Variants in PAFAH2 observed in about 807,000 individuals in gnomAD.
PAFAH2 encodes the protein platelet-activating factor acetylhydrolase 2, cytoplasmic.
A neutral mutation model predicts 49.0 loss-of-function variants in PAFAH2; 42 were observed. That is an observed-to-expected ratio of 0.86 (90% CI 0.67 to 1.11). The LOEUF is 1.11. Ranked by LOEUF, PAFAH2 falls within the 50% of genes least tolerant of loss-of-function variation. The pLI, the probability that PAFAH2 is intolerant of heterozygous loss-of-function variation, is 0.00. For missense variants in PAFAH2, 503 were observed against 501.8 expected (o/e 1.00, Z -0.02); for synonymous variants, 184 against 181.3 (o/e 1.01, Z -0.12).
rs748204156 is a variant in PAFAH2 at position 25,988,327 on chromosome 1, C to A, written c.245G>T (p.Gly82Val). The A allele has an allele frequency of 6.8e-6, 11 of 1,609,346 alleles. No individual in the cohort carries two copies. The highest frequency in any genetic ancestry group is 6.7e-5 in the Admixed American group (4 of 59,550). The part of the protein sequence containing the change: ...CGGLLFNLAV[G>V]SCRLPVSWNG... ...CCAGCTAACAGGCAGGCGACAAGAT[C>A]CTAGCAGAGACATGGGCTATAGAAT... The change falls in exon 4 of 11, where the codon GGA (glycine) becomes GTA (valine). Residue 82 changes from glycine (G) to valine (V), a missense_variant and splice_region_variant. Physicochemically the swap from Gly to Val is moderately radical, Grantham distance 109 (BLOSUM62 -3). Transcript: ENST00000374282.
intron 10 of PAFAH2, among the ~76,000 whole-genome samples, chr1:25,971,360 C>T (rs2049506502): frequency 6.6e-6 from 1 of 151,844 alleles, no homozygotes; most frequent in Non-Finnish European, 1.5e-5. Context: ...GAAATCTGTT[C>T]AAAGAAATCC....
At chr1:25,970,453 G>C (rs964641912) in intron 10 of PAFAH2, among the ~76,000 whole-genome samples, 1 of 152,214 alleles carries the variant, frequency 6.6e-6, no homozygotes, top group Non-Finnish European at 1.5e-5. Context: ...ACTCCAGCCT[G>C]AGAGACAGAG....
At chr1:25,988,348 A>G (rs146003818) in intron 3 of PAFAH2, 21 bp from the exon 4 acceptor site, 23 of 1,582,882 alleles carry the variant, frequency 1.5e-5, no homozygotes, top group African/African-American at 1.3e-4. Context: ...CATGGGCTAT[A>G]GAATATCTGG....
At chr1:25,965,397 A>T (rs895677602) in intron 10 of PAFAH2, among the ~76,000 whole-genome samples, 2 of 152,240 alleles carry the variant, frequency 1.3e-5, no homozygotes, top group African/African-American at 4.8e-5. Flanking sequence ...CAGACAAATG[A>T]GACTGAATTA....
In PAFAH2 at chr1:25,961,767, G is replaced by C. The variant is rs2049341174; in HGVS notation, c.*222C>G. On this transcript the variant is annotated 3_prime_UTR_variant, in exon 11 of 11. Coordinates refer to ENST00000374282, the MANE Select transcript of PAFAH2 (RefSeq NM_000437.4). ...TGTTCCCCACTCCATCAAGGTCCCA[G>C]AAAGTCTGTTTGTCAATCAGCAAGG... 1 of 460,484 alleles carries C rather than the reference G, an allele frequency of 2.2e-6. No individual in the cohort carries two copies. Among genetic ancestry groups the C allele is most frequent in the Non-Finnish European group, 3.9e-6 (1 of 258,100 alleles). 28.5% of individuals were successfully genotyped at this position (460,484 alleles called of 1,614,324 possible).
chr1:25,984,232 T>A, intron 5 of PAFAH2, 145 bp from the exon 6 acceptor site: 1 of 959,144 alleles, frequency 1.0e-6, no homozygotes, highest in Non-Finnish European at 1.6e-6. Context: ...CATAGGGAAG[T>A]GGAAAAAATA....
intron 10 of PAFAH2, among the ~76,000 whole-genome samples, chr1:25,970,013 A>G (rs1259498513): frequency 6.6e-6 from 1 of 152,216 alleles, no homozygotes; most frequent in Non-Finnish European, 1.5e-5. Flanking sequence ...GTAAGATGAA[A>G]CGAACAGGCA....
In PAFAH2 at chr1:25,960,721, C is replaced by T. The variant is rs182479883; in HGVS notation, c.*1268G>A. 2.0e-5 allele frequency: 3 copies of T among 152,252 alleles called. No individual in the cohort carries two copies. Among genetic ancestry groups the T allele is most frequent in the Admixed American group, 2.0e-4 (3 of 15,264 alleles). The allele number at this position is 152,252 out of a possible 1,614,324, so 9.4% of individuals were successfully genotyped here. ...AGTTGGAGGTTTATAATATTTGAGG[C>T]AAGAAAAAATGACCAAGGTACTCCT... On this transcript the variant is annotated 3_prime_UTR_variant, in exon 11 of 11. Transcript: ENST00000374282.
At chr1:25,963,792 T>G (rs1456774920) in intron 10 of PAFAH2, among the ~76,000 whole-genome samples, 2 of 152,208 alleles carry the variant, frequency 1.3e-5, no homozygotes, top group Admixed American at 6.5e-5. Flanking sequence ...TGAGCCACGG[T>G]GCCTGGCCAG....
chr1:25,993,070 C>A (rs1031662834), intron 1 of PAFAH2, among the ~76,000 whole-genome samples: 6 of 152,104 alleles, frequency 3.9e-5, no homozygotes, highest in African/African-American at 9.7e-5. Flanking sequence ...AATAGAGGCC[C>A]ATTTGTGAAG....
At chr1:25,994,544 A>G (rs1413193618) in intron 1 of PAFAH2, among the ~76,000 whole-genome samples, 1 of 152,202 alleles carries the variant, frequency 6.6e-6, no homozygotes, top group Non-Finnish European at 1.5e-5. Context: ...ATAAAATGAA[A>G]TAATGCATTC....
intron 4 of PAFAH2, among the ~76,000 whole-genome samples, chr1:25,985,701 G>A (rs2049772094): frequency 6.6e-6 from 1 of 152,234 alleles, no homozygotes; most frequent in African/African-American, 2.4e-5. Context: ...CCGGCACACA[G>A]CAGGTACTCA....
intron 1 of PAFAH2, among the ~76,000 whole-genome samples, chr1:25,991,738 C>T (rs1569580904): frequency 1.3e-5 from 2 of 151,574 alleles, no homozygotes; most frequent in African/African-American, 4.8e-5. Context: ...ACTAAAAATA[C>T]AAAAATTAGC....
Position 25,984,043 on chromosome 1 carries a change from T to C in PAFAH2, c.455A>G (p.Glu152Gly). 7 of 1,614,142 alleles carry C rather than the reference T, an allele frequency of 4.3e-6. No homozygotes were observed. Among genetic ancestry groups the C allele is most frequent in the Non-Finnish European group, 5.9e-6 (7 of 1,180,014 alleles). The change falls in exon 6 of 11, where the codon GAA becomes GGA. Residue 152 changes from glutamate (E) to glycine (G), a missense_variant. By Grantham distance (98) the Glu-to-Gly change is moderately conservative. Coordinates refer to ENST00000374282, the MANE Select transcript of PAFAH2 (RefSeq NM_000437.4). ...ATTYFCKQAP[E>G]ENQPTNESLQ... Reference sequence around the variant, plus strand: ...CGATTCATTGGTGGGCTGGTTCTCTTCTGGGGCCTGCTTGCAGAAATAGGT... The same window carrying C: ...CGATTCATTGGTGGGCTGGTTCTCTCCTGGGGCCTGCTTGCAGAAATAGGT...
intron 8 of PAFAH2, among the ~76,000 whole-genome samples, chr1:25,975,019 T>C (rs1162520872): frequency 6.6e-6 from 1 of 152,196 alleles, no homozygotes; most frequent in East Asian, 1.9e-4. Context: ...TGAGTGTTCC[T>C]GCTTTCAAGG....
intron 1 of PAFAH2, among the ~76,000 whole-genome samples, chr1:25,992,672 C>T (rs765967089): frequency 2.6e-5 from 4 of 152,136 alleles, no homozygotes; most frequent in African/African-American, 4.8e-5. Context: ...TAACATATGG[C>T]GAGCAGAGCC....
At chr1:25,976,885 A>G in intron 7 of PAFAH2, 112 bp from the exon 8 acceptor site, 2 of 715,250 alleles carry the variant, frequency 2.8e-6, no homozygotes, top group South Asian at 1.7e-5. Context: ...GGCACAATAC[A>G]GCAAGTGAGT....
intron 1 of PAFAH2, among the ~76,000 whole-genome samples, chr1:25,996,067 T>A (rs1297107491): frequency 6.6e-6 from 1 of 152,114 alleles, no homozygotes; most frequent in Non-Finnish European, 1.5e-5. Flanking sequence ...ACAGAAATAA[T>A]AACTATGGCC....
rs767349882 is a variant in PAFAH2, at chr1:25,974,591, G to C, written c.818C>G (p.Ala273Gly). ...FPLERDFYPK[A>G]RGPVFFINTE... ...ATTGATAAAGAACACAGGTCCTCGG[G>C]CCTTGGGGTAAAAGTCACGTTCCAG... Residue 273 changes from alanine to glycine, a missense_variant, in exon 9 of 11, where the codon GCC becomes GGC. Coordinates refer to ENST00000374282, the MANE Select transcript of PAFAH2 (RefSeq NM_000437.4). 14 of 1,614,102 alleles carry C rather than the reference G, an allele frequency of 8.7e-6. No individual in the cohort carries two copies. In the South Asian group the frequency reaches 1.5e-4, roughly 18 times the overall value.
Sources: allele counts gnomAD v4.1 joint callset (sites outside exome capture counted in the v4.1 genomes callset), GRCh38; gene constraint gnomAD v4.1.1; transcripts MANE v1.5; gene names NCBI Gene and HGNC (gene_info 2026-07-23, HGNC 2026-07-21).